Variants in DPY19L2 observed in about 807,000 individuals in gnomAD.
DPY19L2 encodes the protein dpy-19 like 2.
A neutral mutation model predicts 97.9 loss-of-function variants in DPY19L2; 34 were observed. The observed-to-expected ratio is 0.35, with a 90% CI of 0.26 to 0.46. DPY19L2 has a LOEUF of 0.46. Ranked by LOEUF, DPY19L2 falls within the 20% of genes least tolerant of loss-of-function variation. The probability of loss-of-function intolerance (pLI) is 1.00; values close to 1 mark genes in which losing one functional copy is unlikely to be tolerated. For missense variants in DPY19L2, 623 were observed against 911.4 expected (o/e 0.68, Z 4.07); for synonymous variants, 230 against 307.9 (o/e 0.75, Z 2.65).
Position 63,594,651 on chromosome 12 carries a change from T to TG in DPY19L2, c.1534-519_1534-518insC, listed in dbSNP as rs1491176321. Among the ~76,000 whole-genome samples the TG allele has an allele frequency of 3.4e-3, 332 of 96,918 alleles. 1 individual carries two copies. The highest frequency in any genetic ancestry group is 0.022 in the African/African-American group (303 of 13,582). 63.6% of individuals were successfully genotyped at this position (96,918 alleles called of 152,430 possible). A position where few individuals can be genotyped will look rare whatever the true frequency, so the allele number is the denominator to read the frequency against. On this transcript the variant is annotated intron_variant, in intron 15 of 21. Transcript: ENST00000324472. ...GGCTGCAGGGACGTGTGTGTGCGTGTCTGTGTGTGTGTGTGTGTGTATGCA... is the reference window on the plus strand; with the variant it reads ...GGCTGCAGGGACGTGTGTGTGCGTGTGCTGTGTGTGTGTGTGTGTGTATGCA...
chr12:63,651,320 A>T (rs1172484304), intron 4 of DPY19L2, among the ~76,000 whole-genome samples: 1 of 152,174 alleles, frequency 6.6e-6, no homozygotes. Context: ...AACAGAAAAT[A>T]TCATTCTGGA....
chr12:63,644,117 A>G (rs1893069240), intron 6 of DPY19L2, among the ~76,000 whole-genome samples: 1 of 152,046 alleles, frequency 6.6e-6, no homozygotes, highest in Admixed American at 6.6e-5. Flanking sequence ...ATCTCCTCCA[A>G]TGTTTTATTA....
At chr12:63,629,821 G>A (rs1344063378) in intron 6 of DPY19L2, among the ~76,000 whole-genome samples, 1 of 152,124 alleles carries the variant, frequency 6.6e-6, no homozygotes, top group South Asian at 2.1e-4. Flanking sequence ...AGAGAGAAAG[G>A]TCAGGTTACC....
At chr12:63,640,451 G>A (rs996181648) in intron 6 of DPY19L2, among the ~76,000 whole-genome samples, 1 of 152,152 alleles carries the variant, frequency 6.6e-6, no homozygotes, top group Non-Finnish European at 1.5e-5. Context: ...TTTTATACTT[G>A]AACAAATCAT....
intron 21 of DPY19L2, among the ~76,000 whole-genome samples, 197 bp downstream of exon 21, chr12:63,569,027 A>T (rs976489454): frequency 6.6e-6 from 1 of 152,006 alleles, no homozygotes; most frequent in African/African-American, 2.4e-5. Context: ...AATATACTAT[A>T]ATGTTTGGAA....
chr12:63,592,064 G>GCAAGAGAAGA (rs1259286410), intron 16 of DPY19L2, among the ~76,000 whole-genome samples: 33,710 of 63,524 alleles, frequency 0.53, 9,409 homozygotes, highest in African/African-American at 0.69. Flanking sequence ...GGAAGGGAAG[G>GCAAGAGAAGA]CAAGAGAAGA....
At chr12:63,566,319 C>T (rs1432291768) in intron 21 of DPY19L2, among the ~76,000 whole-genome samples, 1 of 152,030 alleles carries the variant, frequency 6.6e-6, no homozygotes, top group African/African-American at 2.4e-5. Context: ...TAGACAGTGT[C>T]CTCCACCATG....
chr12:63,663,386 T>C (rs1380960009), intron 3 of DPY19L2, among the ~76,000 whole-genome samples: 1 of 152,128 alleles, frequency 6.6e-6, no homozygotes, highest in East Asian at 1.9e-4. Context: ...GAAAGCCAAA[T>C]AATAATCGTC....
chr12:63,562,963 CTT>C (rs1565686759), intron 21 of DPY19L2, among the ~76,000 whole-genome samples: 1 of 151,766 alleles, frequency 6.6e-6, no homozygotes, highest in Non-Finnish European at 1.5e-5. Flanking sequence ...ACCTGGCTAA[CTT>C]TTTGTATTTT....
chr12:63,572,444 CAG>C (rs1879045942), intron 19 of DPY19L2, among the ~76,000 whole-genome samples: 1 of 152,112 alleles, frequency 6.6e-6, no homozygotes, highest in South Asian at 2.1e-4. Flanking sequence ...TGTCTGACTC[CAG>C]GCCCTGGCTC....
chr12:63,570,671 GTGT>G, intron 20 of DPY19L2, 84 bp downstream of exon 20: 1 of 1,087,928 alleles, frequency 9.2e-7, no homozygotes. Context: ...GTGTGTGTGT[GTGT>G]GTGTGTGTGT....
intron 12 of DPY19L2, among the ~76,000 whole-genome samples, chr12:63,607,391 G>A (rs537224441): frequency 6.6e-6 from 1 of 152,288 alleles, no homozygotes; most frequent in South Asian, 2.1e-4. Flanking sequence ...AAGCCTGCAT[G>A]TCTAAGGACA....
intron 6 of DPY19L2, among the ~76,000 whole-genome samples, chr12:63,637,959 A>G (rs950692872): frequency 1.3e-5 from 2 of 152,224 alleles, no homozygotes; most frequent in African/African-American, 4.8e-5. Context: ...AAAATCCTCA[A>G]TAAAATATTG....
In DPY19L2 at chr12:63,596,046, T is replaced by C. The variant is rs376959422; in HGVS notation, c.1462-9A>G. The C allele has an allele frequency of 1.3e-6, 2 of 1,592,764 alleles. No individual in the cohort carries two copies. The highest frequency in any genetic ancestry group is 1.7e-5 in the Admixed American group (1 of 57,160). ...GTGTATCTCAGCGGAGTCTGAAATA[T>C]ACCAAATTATTCAAAATGGTTACTT... is the stretch of plus-strand genomic sequence containing the variant. On this transcript the variant is annotated splice_polypyrimidine_tract_variant and intron_variant, in intron 14 of 21. Transcript: ENST00000324472.
At chr12:63,591,576 G>C (rs1882920208) in intron 16 of DPY19L2, among the ~76,000 whole-genome samples, 2 of 152,048 alleles carry the variant, frequency 1.3e-5, no homozygotes, top group African/African-American at 2.4e-5. Context: ...ATGTGTGACT[G>C]ATACGATACA....
chr12:63,589,387 A>AAAAAAG (rs1882470178), intron 16 of DPY19L2, among the ~76,000 whole-genome samples: 1 of 132,232 alleles, frequency 7.6e-6, no homozygotes, highest in African/African-American at 3.1e-5. Flanking sequence ...AAAAAAAAAA[A>AAAAAAG]AAAAAGTAAA....
chr12:63,601,601 A>G (rs1368989140), intron 12 of DPY19L2, among the ~76,000 whole-genome samples: 2 of 152,168 alleles, frequency 1.3e-5, no homozygotes, highest in African/African-American at 4.8e-5. Flanking sequence ...AAAAGGATAA[A>G]GAAGAAAAGG....
intron 6 of DPY19L2, among the ~76,000 whole-genome samples, chr12:63,627,771 C>T (rs1889826251): frequency 6.6e-6 from 1 of 152,176 alleles, no homozygotes; most frequent in African/African-American, 2.4e-5. Flanking sequence ...ACACCACTTC[C>T]CTAGCCTAAC....
At chr12:63,610,296 A>AT (rs1445390240) in intron 11 of DPY19L2, among the ~76,000 whole-genome samples, 1 of 118,432 alleles carries the variant, frequency 8.4e-6, no homozygotes, top group Non-Finnish European at 1.7e-5. Context: ...AGTGGGAAGT[A>AT]TTTTCTGAGT....
Sources: allele counts gnomAD v4.1 joint callset (sites outside exome capture counted in the v4.1 genomes callset), GRCh38; gene constraint gnomAD v4.1.1; transcripts MANE v1.5; gene names NCBI Gene and HGNC (gene_info 2026-07-23, HGNC 2026-07-21).